The following PEAR1 variants were observed in gnomAD, a reference collection of about 807,000 sequenced individuals.
PEAR1 encodes multiple EGF-like domains protein 12.
PEAR1 carries 113 observed loss-of-function variants against 131.2 expected under a neutral mutation model. That is an observed-to-expected ratio of 0.86 (90% CI 0.74 to 1.01). The LOEUF (loss-of-function observed/expected upper bound fraction) is 1.01. PEAR1 is among the 50% of genes least tolerant of loss of function. PEAR1 has a pLI of 0.00. For missense variants in PEAR1, 1,408 were observed against 1,391.1 expected (o/e 1.01, Z -0.19); for synonymous variants, 565 against 523.3 (o/e 1.08, Z -1.09).
Position 156,906,826 on chromosome 1 carries a change from C to G in PEAR1, c.590C>G (p.Pro197Arg). 6.2e-7 allele frequency: 1 copy of G among 1,614,196 alleles called. No individual in the cohort carries two copies. Among genetic ancestry groups the G allele is most frequent in the Non-Finnish European group, 8.5e-7 (1 of 1,180,044 alleles). Reference protein sequence around the residue: ...CQFRCQCHGAPCDPQTGACFC... With the variant: ...CQFRCQCHGARCDPQTGACFC... Reference sequence around the variant, plus strand: ...TTCCGCTGCCAGTGCCATGGGGCACCCTGCGATCCCCAGACTGGAGCCTGC... The same window carrying G: ...TTCCGCTGCCAGTGCCATGGGGCACGCTGCGATCCCCAGACTGGAGCCTGC... The change falls in exon 6 of 23, where the codon CCC becomes CGC. Residue 197 changes from proline to arginine, a missense_variant. Physicochemically the swap from Pro to Arg is moderately radical, Grantham distance 103. Coordinates refer to ENST00000292357, the MANE Select transcript of PEAR1 (RefSeq NM_001080471.3).
intron 14 of PEAR1, 31 bp from the exon 15 acceptor site, chr1:156,910,587 C>T (rs1386055889): frequency 6.8e-6 from 11 of 1,610,796 alleles, no homozygotes; most frequent in South Asian, 1.1e-5. Context: ...TTGGCCTCTG[C>T]CCCCAATCAC....
intron 18 of PEAR1, 50 bp downstream of exon 18, chr1:156,913,032 A>C (rs1223616908): frequency 1.2e-6 from 2 of 1,604,386 alleles, no homozygotes; most frequent in South Asian, 2.2e-5. Flanking sequence ...GCTCATAGGC[A>C]CAAGAGTGGA....
intron 7 of PEAR1, 88 bp from the exon 8 acceptor site, chr1:156,907,827 C>A: frequency 6.4e-7 from 1 of 1,568,118 alleles, no homozygotes; most frequent in Middle Eastern, 1.7e-4. Context: ...GGGGGGTGAG[C>A]TCTGTGGTTA....
rs1221251047 is a variant in PEAR1, at chr1:156,912,769, G to A, written c.2210-1G>A. ...CTGAGTGAGCACCCCATTCCACACA[G>A]GAATCCAGGAGCCCTTTACTGTGAT... On this transcript the variant is annotated splice_acceptor_variant, in intron 17 of 22. Transcript: ENST00000292357. LOFTEE classifies it high-confidence loss of function. The A allele has an allele frequency of 6.2e-7, 1 of 1,614,146 alleles. No individual in the cohort carries two copies.
chr1:156,913,083 AG>A, intron 18 of PEAR1, 101 bp downstream of exon 18: 1 of 1,546,838 alleles, frequency 6.5e-7, no homozygotes, highest in Non-Finnish European at 8.9e-7. Flanking sequence ...AGTGGGGAGG[AG>A]GGAGGAAGGG....
intron 11 of PEAR1, 36 bp from the exon 12 acceptor site, chr1:156,909,715 G>T (rs764099091): frequency 5.8e-6 from 9 of 1,559,782 alleles, no homozygotes; most frequent in Admixed American, 1.8e-5. Flanking sequence ...GAAGGGAAAT[G>T]GGTCCCCATA....
intron 4 of PEAR1, 37 bp from the exon 5 acceptor site, chr1:156,906,239 G>A (rs1230897748): frequency 1.9e-6 from 3 of 1,585,588 alleles, no homozygotes; most frequent in Non-Finnish European, 2.6e-6. Flanking sequence ...GTAGGGGCAG[G>A]GGTGGACACA....
chr1:156,914,871 T>C lies in PEAR1; in HGVS notation c.*73T>C. On this transcript the variant is annotated 3_prime_UTR_variant, in exon 23 of 23. Coordinates refer to ENST00000292357, the MANE Select transcript of PEAR1 (RefSeq NM_001080471.3). Reference sequence around the variant, plus strand: ...TCAAGGCTGGGGACAGAGCCTAGTGTACCCCTGCCAGGAGCAGGGAGTGGA... The same window carrying C: ...TCAAGGCTGGGGACAGAGCCTAGTGCACCCCTGCCAGGAGCAGGGAGTGGA... 6.5e-7 allele frequency: 1 copy of C among 1,534,344 alleles called. No homozygotes were observed. Among genetic ancestry groups the C allele is most frequent in the Non-Finnish European group, 8.9e-7 (1 of 1,127,640 alleles).
chr1:156,908,700 G>T lies in PEAR1; in HGVS notation c.1161G>T (p.Ala387=). The T allele has an allele frequency of 6.5e-7, 1 of 1,539,872 alleles. No individual in the cohort carries two copies. The change falls in exon 10 of 23, where the codon GCG becomes GCT. Residue 387 remains alanine (A), a synonymous_variant. Transcript: ENST00000292357. The surrounding 1 kb of genome is among the most constrained non-coding windows in gnomAD (Gnocchi z 4.2). Reference sequence around the variant, plus strand: ...AGTGCTCCTGCCTGCCGGGCTGGGCGGGCCTCCACTGCAACGAGAGCTGCC... The same window carrying T: ...AGTGCTCCTGCCTGCCGGGCTGGGCTGGCCTCCACTGCAACGAGAGCTGCC... ...NGECSCLPGW[A]GLHCNESCPQ...
intron 1 of PEAR1, among the ~76,000 whole-genome samples, chr1:156,901,587 A>G (rs1649684518): frequency 6.6e-6 from 1 of 152,208 alleles, no homozygotes. Context: ...TGTGTGTCTC[A>G]GGAGATGAGG....
rs1650641172 is a variant in PEAR1 at position 156,908,556 on chromosome 1, C to G, written c.1116-99C>G. The G allele has an allele frequency of 2.3e-6, 3 of 1,295,396 alleles. No individual in the cohort carries two copies. Among genetic ancestry groups the G allele is most frequent in the Admixed American group, 2.7e-5 (1 of 37,436 alleles). 80.2% of individuals were successfully genotyped at this position (1,295,396 alleles called of 1,614,324 possible). ...GAGCCTCCCTAGTGACCCCCTTACC[C>G]CAGCGATGTGCGAATCCCACTGACC... On this transcript the variant is annotated intron_variant, in intron 9 of 22. Transcript: ENST00000292357. This position sits in a 1 kb window ranked among gnomAD's most constrained non-coding sequence, Gnocchi z 4.2.
chr1:156,894,028 G>A lies in PEAR1; in HGVS notation c.-10+191G>A, dbSNP rs144878131. On this transcript the variant is annotated intron_variant, in intron 1 of 22. Transcript: ENST00000292357. ...GAAGGAGGGGAAGGGGACAGTGGAG[G>A]GGGCCAGAGAGGATGGGTTGGGGGT... Among the ~76,000 whole-genome samples, 670 of 152,342 alleles carry A rather than the reference G, an allele frequency of 4.4e-3. 4 individuals carry two copies. The highest frequency in any genetic ancestry group is 0.016 in the African/African-American group (649 of 41,584).
Position 156,911,170 on chromosome 1 carries a change from CCTTTCTTTT to C in PEAR1, c.1951+435_1951+443del, listed in dbSNP as rs1261525644. 7.3e-5 allele frequency among the ~76,000 whole-genome samples: 7 copies of C among 95,870 alleles called. 1 individual carries two copies. 62.9% of individuals were successfully genotyped at this position (95,870 alleles called of 152,430 possible). On this transcript the variant is annotated intron_variant, in intron 15 of 22. Transcript: ENST00000292357. Reference sequence around the variant, plus strand: ...TTTCTTTCTTTTTCTTTCTTTCTTTCCTTTCTTTTCTTTCTTCTTTCTTTCTTTCTTTTC... The same window carrying C: ...TTTCTTTCTTTTTCTTTCTTTCTTTCCTTTCTTCTTTCTTTCTTTCTTTTC...
At chr1:156,901,828 C>A (rs546485081) in intron 1 of PEAR1, among the ~76,000 whole-genome samples, 2 of 152,054 alleles carry the variant, frequency 1.3e-5, no homozygotes, top group Non-Finnish European at 2.9e-5. Context: ...GCAGAGCGAT[C>A]CCTGGAGTGG....
Position 156,906,898 on chromosome 1 carries a change from C to A in PEAR1, c.644+18C>A. 5 of 1,610,642 alleles carry A rather than the reference C, an allele frequency of 3.1e-6. No individual in the cohort carries two copies. The highest frequency in any genetic ancestry group is 4.2e-6 in the Non-Finnish European group (5 of 1,178,158). On this transcript the variant is annotated intron_variant, in intron 6 of 22. Coordinates refer to ENST00000292357, the MANE Select transcript of PEAR1 (RefSeq NM_001080471.3). ...GGGCCCAGGTATGTAATGGGGGGAA[C>A]GACACTTTAACAAGATCGCAGACAC...
chr1:156,898,833 C>T (rs1012886928), intron 1 of PEAR1, among the ~76,000 whole-genome samples: 1 of 152,048 alleles, frequency 6.6e-6, no homozygotes, highest in Admixed American at 6.5e-5. Context: ...GTAAATACAC[C>T]GTGCAACTGT....
intron 1 of PEAR1, among the ~76,000 whole-genome samples, chr1:156,896,637 C>T (rs778897611): frequency 1.3e-5 from 2 of 152,254 alleles, no homozygotes; most frequent in Admixed American, 6.5e-5. Context: ...TTTTGCCCTC[C>T]GTCCTACCCC....
rs539605444 is a variant in PEAR1, at chr1:156,902,139, C to G, written c.-9-1779C>G. On this transcript the variant is annotated intron_variant, in intron 1 of 22. Transcript: ENST00000292357. The surrounding 1 kb of genome is among the most constrained non-coding windows in gnomAD (Gnocchi z 4.3). ...TGGGAGGATGGAGCCACCCCCGTCA[C>G]GCTCCCTGCTGTCCCCCTTCCTAGC... 6.6e-6 allele frequency: 1 copy of G among 152,380 alleles called. No homozygotes were observed. The highest frequency in any genetic ancestry group is 1.5e-5 in the Non-Finnish European group (1 of 68,182). The allele number at this position is 152,380 out of a possible 1,614,324, so 9.4% of individuals were successfully genotyped here.
chr1:156,913,122 C>T, intron 18 of PEAR1, 72 bp from the exon 19 acceptor site: 1 of 1,565,120 alleles, frequency 6.4e-7, no homozygotes, highest in Non-Finnish European at 8.8e-7. Context: ...GTACTGATCT[C>T]CGGGGACAAA....
Sources: allele counts gnomAD v4.1 joint callset (sites outside exome capture counted in the v4.1 genomes callset), GRCh38; gene constraint gnomAD v4.1.1; non-coding constraint Gnocchi (gnomAD v3.1); transcripts MANE v1.5; gene names NCBI Gene and HGNC (gene_info 2026-07-23, HGNC 2026-07-21).